NUDT2: variants seen among roughly 807,000 people sequenced by gnomAD.
NUDT2 encodes the protein bis(5'-nucleosyl)-tetraphosphatase [asymmetrical].
NUDT2 carries 12 observed loss-of-function variants against 14.2 expected under a neutral mutation model. That is an observed-to-expected ratio of 0.84 (90% CI 0.54 to 1.37). The LOEUF (loss-of-function observed/expected upper bound fraction) is 1.37. NUDT2 is among the 40% of genes most tolerant of loss of function. The probability of loss-of-function intolerance (pLI) is 0.00; values close to 1 mark genes in which losing one functional copy is unlikely to be tolerated. For missense variants in NUDT2, 167 were observed against 176.7 expected, an observed-to-expected ratio of 0.95 and a Z score of 0.31; for synonymous variants, 67 against 67.4, an observed-to-expected ratio of 0.99 and a Z score of 0.03.
Position 34,338,875 on chromosome 9 carries a change from C to T in NUDT2, c.-17+28C>T, listed in dbSNP as rs1825444596. On this transcript the variant is annotated intron_variant, in intron 3 of 4. Transcript: ENST00000379158. The stretch of plus-strand genomic sequence containing the variant: ...CAGTCTCTGATTCCTGGATGCCTTC[C>T]ATTGGTCCTGGGCATGCTGCCTTTT... The T allele has an allele frequency of 1.7e-5, 10 of 582,088 alleles. No individual in the cohort carries two copies. The Admixed American group carries it at 3.0e-4, about 17-fold the overall frequency. The allele number at this position is 582,088 out of a possible 1,614,324, so 36.1% of individuals were successfully genotyped here. A position where few individuals can be genotyped will look rare whatever the true frequency, so the allele number is the denominator to read the frequency against.
chr9:34,337,856 T>G (rs1039245008), intron 2 of NUDT2, among the ~76,000 whole-genome samples: 1 of 151,904 alleles, frequency 6.6e-6, no homozygotes, highest in East Asian at 1.9e-4. Context: ...CTTCTTTTTT[T>G]GAGACAGAGT....
At chr9:34,334,159 T>G (rs1018679649) in intron 1 of NUDT2, among the ~76,000 whole-genome samples, 11 of 152,208 alleles carry the variant, frequency 7.2e-5, no homozygotes, top group Admixed American at 1.3e-4. Context: ...ATGAAAATAT[T>G]GAAACAAACA....
At chr9:34,334,943 C>T (rs1289983071) in intron 1 of NUDT2, among the ~76,000 whole-genome samples, 1 of 152,140 alleles carries the variant, frequency 6.6e-6, no homozygotes, top group East Asian at 1.9e-4. Context: ...AAGGACAGAG[C>T]AGGGTCTGTA....
chr9:34,337,557 T>A (rs1162773306), intron 2 of NUDT2, among the ~76,000 whole-genome samples: 5 of 152,102 alleles, frequency 3.3e-5, no homozygotes, highest in Admixed American at 2.0e-4. Flanking sequence ...TGGTGTTGGG[T>A]GTTTGGTTTT....
intron 4 of NUDT2, among the ~76,000 whole-genome samples, chr9:34,339,433 G>A (rs1020474609): frequency 1.3e-5 from 2 of 152,190 alleles, no homozygotes; most frequent in Non-Finnish European, 2.9e-5. Context: ...TGTGGTGAAT[G>A]GCTGGGTAAG....
Position 34,343,365 on chromosome 9 carries a change from C to A in NUDT2, c.369C>A (p.Cys123Ter). 3.1e-6 allele frequency: 5 copies of A among 1,614,034 alleles called. No individual in the cohort carries two copies. Among genetic ancestry groups the A allele is most frequent in the Non-Finnish European group, 4.2e-6 (5 of 1,179,954 alleles). ...GCTGGCTGGGGCTGGAGGAGGCCTG[C>A]CAGTTGGCTCAGTTCAAGGAGATGA... is the stretch of plus-strand genomic sequence containing the variant. The part of the protein sequence containing the change: ...AYRWLGLEEA[C>*]QLAQFKEMKA... The change falls in exon 5 of 5, where the codon TGC becomes TGA. Residue 123 changes from cysteine (C) to a stop codon, truncating the protein, a stop_gained. Transcript: ENST00000379158. LOFTEE classifies it high-confidence loss of function.
chr9:34,337,236 G>A (rs1288091953), intron 2 of NUDT2, among the ~76,000 whole-genome samples: 1 of 152,114 alleles, frequency 6.6e-6, no homozygotes, highest in African/African-American at 2.4e-5. Context: ...CTGACCTCAG[G>A]TGATCTACCC....
At chr9:34,338,222 G>A in intron 2 of NUDT2, among the ~76,000 whole-genome samples, 1 of 143,996 alleles carries the variant, frequency 6.9e-6, no homozygotes, top group Admixed American at 7.1e-5. Context: ...ACTGGGCATG[G>A]TGGCTCATGT....
chr9:34,333,279 G>T (rs925960127), intron 1 of NUDT2, among the ~76,000 whole-genome samples: 3 of 151,958 alleles, frequency 2.0e-5, no homozygotes, highest in Non-Finnish European at 4.4e-5. Flanking sequence ...AACCTTTTTG[G>T]TGGAAATGAT....
At chr9:34,332,743 T>G (rs1218153377) in intron 1 of NUDT2, among the ~76,000 whole-genome samples, 7 of 152,180 alleles carry the variant, frequency 4.6e-5, no homozygotes. Context: ...TCTGCAAGAA[T>G]GGAGTGGCAG....
chr9:34,332,775 T>C (rs1278167235), intron 1 of NUDT2, among the ~76,000 whole-genome samples: 3 of 152,208 alleles, frequency 2.0e-5, no homozygotes, highest in Non-Finnish European at 4.4e-5. Context: ...AAGGTGCATT[T>C]GAGGGAATAT....
intron 1 of NUDT2, among the ~76,000 whole-genome samples, chr9:34,329,981 CAA>C (rs1040398642): frequency 2.6e-5 from 4 of 152,238 alleles, no homozygotes; most frequent in African/African-American, 9.6e-5. Flanking sequence ...GCCTGCTTTC[CAA>C]AAGAGATTTT....
chr9:34,333,203 A>G (rs1051315770), intron 1 of NUDT2, among the ~76,000 whole-genome samples: 1 of 152,038 alleles, frequency 6.6e-6, no homozygotes, highest in Non-Finnish European at 1.5e-5. Flanking sequence ...GCTACATTTT[A>G]CCCCTCCTTC....
At chr9:34,330,743 C>T (rs1444916918) in intron 1 of NUDT2, among the ~76,000 whole-genome samples, 2 of 152,152 alleles carry the variant, frequency 1.3e-5, no homozygotes, top group African/African-American at 2.4e-5. Flanking sequence ...GGGCGGATCA[C>T]GAGGTCAGGA....
intron 1 of NUDT2, among the ~76,000 whole-genome samples, chr9:34,332,892 A>G (rs1014709121): frequency 3.3e-5 from 5 of 152,086 alleles, no homozygotes; most frequent in African/African-American, 1.2e-4. Flanking sequence ...AGCTTTACTC[A>G]TGGGTGGGTG....
intron 2 of NUDT2, among the ~76,000 whole-genome samples, chr9:34,337,414 C>T (rs926698589): frequency 2.0e-5 from 3 of 152,148 alleles, no homozygotes; most frequent in Admixed American, 2.0e-4. Context: ...AAATGGCCCT[C>T]CTAAGGGGAT....
At chr9:34,335,557 C>T (rs912416690) in intron 1 of NUDT2, among the ~76,000 whole-genome samples, 5 of 152,268 alleles carry the variant, frequency 3.3e-5, no homozygotes, top group Admixed American at 1.3e-4. Context: ...CTGCTTCTGA[C>T]GAGTAGGAGG....
chr9:34,329,588 C>T lies in NUDT2; in HGVS notation c.-276C>T, dbSNP rs1010956228. 2 of 152,320 alleles carry T rather than the reference C, an allele frequency of 1.3e-5. No homozygotes were observed. The highest frequency in any genetic ancestry group is 1.9e-4 in the East Asian group (1 of 5,200). The allele number at this position is 152,320 out of a possible 1,614,324, so 9.4% of individuals were successfully genotyped here. On this transcript the variant is annotated 5_prime_UTR_variant, in exon 1 of 5. Transcript: ENST00000379158. Reference sequence around the variant, plus strand: ...CCGTCCAAGGTCCGCCTCCTACCTCCTTCTGCTTCGGGTGAGTACCCTTAA... The same window carrying T: ...CCGTCCAAGGTCCGCCTCCTACCTCTTTCTGCTTCGGGTGAGTACCCTTAA...
In NUDT2 at chr9:34,339,732, A is replaced by G. The variant is rs531334883; in HGVS notation, c.127+566A>G. Among the ~76,000 whole-genome samples, 336 of 152,094 alleles carry G rather than the reference A, an allele frequency of 2.2e-3. 2 individuals carry two copies. Among genetic ancestry groups the G allele is most frequent in the African/African-American group, 7.7e-3 (318 of 41,516 alleles). On this transcript the variant is annotated intron_variant, in intron 4 of 4. Coordinates refer to ENST00000379158, the MANE Select transcript of NUDT2 (RefSeq NM_001161.5). ...GTGGTGCACACCTGTAGTCCCAGCT[A>G]CTCAGGAGGCTGAGGTTAGAGAATA...
Sources: allele counts gnomAD v4.1 joint callset (sites outside exome capture counted in the v4.1 genomes callset), GRCh38; gene constraint gnomAD v4.1.1; transcripts MANE v1.5; gene names NCBI Gene and HGNC (gene_info 2026-07-23, HGNC 2026-07-21).